The following EPHA7 variants were observed in gnomAD, a reference collection of about 807,000 sequenced individuals.
EPHA7 encodes the protein EPH receptor A7.
EPHA7 carries 25 observed loss-of-function variants against 112.6 expected under a neutral mutation model. The observed-to-expected ratio is 0.22, with a 90% CI of 0.16 to 0.31. The LOEUF is 0.31. Among genes scored for constraint, EPHA7 ranks in the 10% least tolerant of loss-of-function variants. The pLI, the probability that EPHA7 is intolerant of heterozygous loss-of-function variation, is 1.00. For synonymous variants in EPHA7, 437 were observed against 406.5 expected (o/e 1.07, Z -0.90); for missense variants, 962 against 1,212.6 (o/e 0.79, Z 3.07).
At chr6:93,270,942 G>C in intron 6 of EPHA7, among the ~76,000 whole-genome samples, 1 of 151,674 alleles carries the variant, frequency 6.6e-6, no homozygotes, top group East Asian at 1.9e-4. Flanking sequence ...GCCAAAAAAT[G>C]ATTTGAACAT....
chr6:93,252,807 A>C (rs1167987329), intron 14 of EPHA7, among the ~76,000 whole-genome samples: 1 of 151,914 alleles, frequency 6.6e-6, no homozygotes, highest in Non-Finnish European at 1.5e-5. Flanking sequence ...CTCCTAAATA[A>C]AAAAATTAAA....
In EPHA7 at chr6:93,410,474, G is replaced by C; in HGVS notation, c.832+27C>G. 1.3e-6 allele frequency: 2 copies of C among 1,567,706 alleles called. No homozygotes were observed. Among genetic ancestry groups the C allele is most frequent in the Non-Finnish European group, 1.7e-6 (2 of 1,156,478 alleles). ...ATACTGAAATTTAAAAAGGCAAAGTGGAGTTTTAATAGGACACATTACTTA... is the reference window on the plus strand; with the variant it reads ...ATACTGAAATTTAAAAAGGCAAAGTCGAGTTTTAATAGGACACATTACTTA... On this transcript the variant is annotated intron_variant, in intron 3 of 16. Transcript: ENST00000369303. This position sits in a 1 kb window ranked among gnomAD's most constrained non-coding sequence, Gnocchi z 4.0.
rs1316635773 is a variant in EPHA7 at position 93,410,138 on chromosome 6, G to A, written c.832+363C>T. 3 of 189,488 alleles carry A rather than the reference G, an allele frequency of 1.6e-5. No individual in the cohort carries two copies. Among genetic ancestry groups the A allele is most frequent in the African/African-American group, 7.0e-5 (3 of 42,730 alleles). 11.7% of individuals were successfully genotyped at this position (189,488 alleles called of 1,614,324 possible). ...AGACAATATGGGTTTAAAAACAGGA[G>A]GAATGGCATCTCATTAAATCCTGTT... On this transcript the variant is annotated intron_variant, in intron 3 of 16. Coordinates refer to ENST00000369303, the MANE Select transcript of EPHA7 (RefSeq NM_004440.4). The surrounding 1 kb of genome is among the most constrained non-coding windows in gnomAD (Gnocchi z 4.0).
intron 3 of EPHA7, among the ~76,000 whole-genome samples, chr6:93,361,893 A>G (rs1305744307): frequency 2.0e-5 from 3 of 152,104 alleles, no homozygotes; most frequent in Non-Finnish European, 4.4e-5. Flanking sequence ...ACATTACAAA[A>G]TATAGCATTG....
chr6:93,388,158 A>T (rs916404500), intron 3 of EPHA7, among the ~76,000 whole-genome samples: 2 of 152,102 alleles, frequency 1.3e-5, no homozygotes, highest in African/African-American at 4.8e-5. Context: ...TACTTTGTGC[A>T]CTTCTTTCTT....
At chr6:93,419,179 C>G in intron 1 of EPHA7, 66 bp downstream of exon 1, 1 of 1,343,370 alleles carries the variant, frequency 7.4e-7, no homozygotes, top group Non-Finnish European at 1.0e-6. Flanking sequence ...CGCGGACGAG[C>G]TGGCTTGTGC....
intron 3 of EPHA7, among the ~76,000 whole-genome samples, chr6:93,378,217 T>C (rs1777157867): frequency 1.3e-5 from 2 of 151,878 alleles, no homozygotes; most frequent in South Asian, 4.1e-4. Context: ...AAGTGCCAAA[T>C]ACAAGTGGAA....
intron 5 of EPHA7, among the ~76,000 whole-genome samples, chr6:93,324,620 A>G (rs1296055890): frequency 6.6e-6 from 1 of 151,406 alleles, no homozygotes; most frequent in African/African-American, 2.4e-5. Context: ...CAGTTGCCAC[A>G]CTCTAAAAAA....
chr6:93,303,378 A>T (rs1462756753), intron 5 of EPHA7, among the ~76,000 whole-genome samples: 1 of 152,112 alleles, frequency 6.6e-6, no homozygotes, highest in Non-Finnish European at 1.5e-5. Context: ...GTTCCAGAAG[A>T]GTCTAAGAAG....
intron 5 of EPHA7, among the ~76,000 whole-genome samples, chr6:93,299,356 A>AATAAT (rs1356847072): frequency 6.6e-6 from 1 of 151,210 alleles, no homozygotes; most frequent in Non-Finnish European, 1.5e-5. Flanking sequence ...AATAAAATAA[A>AATAAT]GAAAAAAAAA....
At chr6:93,267,682 T>A (rs942531844) in intron 7 of EPHA7, among the ~76,000 whole-genome samples, 2 of 151,800 alleles carry the variant, frequency 1.3e-5, no homozygotes, top group Non-Finnish European at 2.9e-5. Context: ...ACATTTCATG[T>A]GATCTTTCAG....
At chr6:93,275,103 A>C (rs903339378) in intron 5 of EPHA7, among the ~76,000 whole-genome samples, 2 of 151,966 alleles carry the variant, frequency 1.3e-5, no homozygotes, top group African/African-American at 4.8e-5. Flanking sequence ...TTCTGAAAAG[A>C]AAATAACAGT....
chr6:93,403,003 G>T (rs1336579013), intron 3 of EPHA7, among the ~76,000 whole-genome samples: 1 of 152,002 alleles, frequency 6.6e-6, no homozygotes, highest in Non-Finnish European at 1.5e-5. Flanking sequence ...TGTGACAATA[G>T]ATAACAGTTA....
At chr6:93,344,031 TG>T (rs530193582) in intron 5 of EPHA7, among the ~76,000 whole-genome samples, 363 of 151,654 alleles carry the variant, frequency 2.4e-3, no homozygotes, top group African/African-American at 8.5e-3. Flanking sequence ...AATTTTTAGG[TG>T]GTTATACTTT....
At chr6:93,414,886 T>C in intron 1 of EPHA7, 119 bp from the exon 2 acceptor site, 2 of 756,250 alleles carry the variant, frequency 2.6e-6, no homozygotes, top group Non-Finnish European at 4.3e-6. Context: ...CTGTAGTTAT[T>C]TATGTAAATC....
At chr6:93,306,643 T>A (rs1773271765) in intron 5 of EPHA7, among the ~76,000 whole-genome samples, 1 of 152,060 alleles carries the variant, frequency 6.6e-6, no homozygotes, top group Non-Finnish European at 1.5e-5. Flanking sequence ...TTAAGTCAGT[T>A]GCTTTCACTT....
chr6:93,406,006 G>A (rs1778702703), intron 3 of EPHA7, among the ~76,000 whole-genome samples: 1 of 149,580 alleles, frequency 6.7e-6, no homozygotes, highest in South Asian at 2.1e-4. Flanking sequence ...TGAATGTATT[G>A]TTTCATTTGT....
chr6:93,355,161 G>T (rs907645147), intron 5 of EPHA7, among the ~76,000 whole-genome samples: 1 of 152,066 alleles, frequency 6.6e-6, no homozygotes, highest in Non-Finnish European at 1.5e-5. Flanking sequence ...AGTAAAATAG[G>T]TAAGTCCAGG....
chr6:93,319,995 A>T (rs1248877737), intron 5 of EPHA7, among the ~76,000 whole-genome samples: 1 of 151,992 alleles, frequency 6.6e-6, no homozygotes, highest in East Asian at 1.9e-4. Flanking sequence ...ACTAGTACAG[A>T]TTTACTAGAT....
Sources: gnomAD v4.1 joint callset for allele counts (sites outside exome capture counted in the v4.1 genomes callset) on GRCh38, gnomAD v4.1.1 for gene constraint, Gnocchi (gnomAD v3.1) non-coding constraint, MANE v1.5 for transcripts, NCBI Gene and HGNC (gene_info 2026-07-23, HGNC 2026-07-21) for gene names.